PLCB4: variants seen among roughly 807,000 people sequenced by gnomAD.
The protein encoded by PLCB4 is 1-phosphatidylinositol 4,5-bisphosphate phosphodiesterase beta-4.
PLCB4 carries 77 observed loss-of-function variants against 178.8 expected under a neutral mutation model. The observed-to-expected ratio is 0.43, with a 90% CI of 0.36 to 0.52. PLCB4 has a LOEUF of 0.52. Among genes scored for constraint, PLCB4 ranks in the 20% least tolerant of loss-of-function variants. PLCB4 has a pLI of 0.00. For synonymous variants in PLCB4, 496 were observed against 490.8 expected (o/e 1.01, Z -0.14); for missense variants, 1,024 against 1,453.4 (o/e 0.70, Z 4.80).
rs149376770 is a variant in PLCB4, at chr20:9,108,195, T to C, written c.-79+11853T>C. Reference sequence around the variant, plus strand: ...CCAGGAGTTAGTTGGATATTAAGAGTCTGGAATTCAGATGGGACTAGGCTG... The same window carrying C: ...CCAGGAGTTAGTTGGATATTAAGAGCCTGGAATTCAGATGGGACTAGGCTG... On this transcript the variant is annotated intron_variant, in intron 2 of 39. Coordinates refer to ENST00000378473, the MANE Select transcript of PLCB4 (RefSeq NM_001377142.1). Among the ~76,000 whole-genome samples the C allele has an allele frequency of 6.6e-5, 10 of 151,992 alleles. No individual in the cohort carries two copies. The East Asian group carries it at 1.9e-3, about 29-fold the overall frequency.
intron 3 of PLCB4, among the ~76,000 whole-genome samples, chr20:9,232,013 C>A (rs185545899): frequency 3.3e-5 from 5 of 152,058 alleles, no homozygotes; most frequent in Non-Finnish European, 7.4e-5. Context: ...TTGGATGAAC[C>A]TAAAAAACAT....
chr20:9,211,975 G>A (rs1022958946), intron 2 of PLCB4, among the ~76,000 whole-genome samples: 5 of 152,186 alleles, frequency 3.3e-5, no homozygotes, highest in Non-Finnish European at 5.9e-5. Flanking sequence ...TTGTAAAAAC[G>A]TCCACAAGGT....
Position 9,443,970 on chromosome 20 carries a change from T to C in PLCB4, c.2765-11T>C, listed in dbSNP as rs200904888. ...GTATACATAGTGACTTAATTTTTTT[T>C]GTTTGTTTAGGTATTGAACTTATCC... is the stretch of plus-strand genomic sequence containing the variant. On this transcript the variant is annotated splice_polypyrimidine_tract_variant and intron_variant, in intron 30 of 39. Coordinates refer to ENST00000378473, the MANE Select transcript of PLCB4 (RefSeq NM_001377142.1). The C allele has an allele frequency of 2.4e-5, 36 of 1,516,972 alleles. No individual in the cohort carries two copies. Among genetic ancestry groups the C allele is most frequent in the Non-Finnish European group, 3.2e-5 (35 of 1,102,072 alleles). The allele number at this position is 1,516,972 out of a possible 1,614,324, so 94.0% of individuals were successfully genotyped here.
At chr20:9,276,831 T>G (rs1220507980) in intron 3 of PLCB4, among the ~76,000 whole-genome samples, 1 of 152,054 alleles carries the variant, frequency 6.6e-6, no homozygotes, top group Non-Finnish European at 1.5e-5. Flanking sequence ...AGTTTCATAC[T>G]TGGGAGGCTG....
At chr20:9,254,151 A>G (rs2094209821) in intron 3 of PLCB4, among the ~76,000 whole-genome samples, 1 of 152,218 alleles carries the variant, frequency 6.6e-6, no homozygotes, top group African/African-American at 2.4e-5. Flanking sequence ...AAGAAGACTA[A>G]TCTAAAATTT....
chr20:9,256,911 G>A (rs2094242267), intron 3 of PLCB4, among the ~76,000 whole-genome samples: 1 of 152,184 alleles, frequency 6.6e-6, no homozygotes, highest in Non-Finnish European at 1.5e-5. Context: ...AGGCTTGAGG[G>A]AAGAGTGAAG....
At chr20:9,305,543 T>A (rs1054526200) in intron 3 of PLCB4, among the ~76,000 whole-genome samples, 71 of 152,258 alleles carry the variant, frequency 4.7e-4, no homozygotes, top group African/African-American at 1.6e-3. Context: ...TCTTTTCTAC[T>A]TTTTTGGCAT....
chr20:9,368,547 C>T (rs745759087), intron 9 of PLCB4, among the ~76,000 whole-genome samples: 16 of 152,278 alleles, frequency 1.1e-4, no homozygotes, highest in African/African-American at 3.4e-4. Context: ...CCGCAGGTGC[C>T]GTCTTGGAAG....
intron 2 of PLCB4, among the ~76,000 whole-genome samples, chr20:9,158,939 C>G (rs1354681895): frequency 6.6e-6 from 1 of 152,146 alleles, no homozygotes; most frequent in Non-Finnish European, 1.5e-5. Context: ...GTGTTAATGG[C>G]TCCTACACTC....
chr20:9,113,140 T>A (rs1600494333), intron 2 of PLCB4, among the ~76,000 whole-genome samples: 1 of 152,152 alleles, frequency 6.6e-6, no homozygotes, highest in East Asian at 1.9e-4. Context: ...AGAAGAAAAA[T>A]GGACTCTTTA....
At chr20:9,431,074 A>G (rs2041361210) in intron 28 of PLCB4, among the ~76,000 whole-genome samples, 1 of 152,206 alleles carries the variant, frequency 6.6e-6, no homozygotes. Context: ...GCAGAGATTT[A>G]TGGAGGCTAG....
chr20:9,142,778 C>G (rs2146880781), intron 2 of PLCB4, among the ~76,000 whole-genome samples: 1 of 152,240 alleles, frequency 6.6e-6, no homozygotes, highest in African/African-American at 2.4e-5. Flanking sequence ...AACACAGCAG[C>G]CCAAATGATG....
At chr20:9,408,946 C>T (rs2039662864) in intron 23 of PLCB4, 111 bp from the exon 24 acceptor site, 2 of 922,968 alleles carry the variant, frequency 2.2e-6, no homozygotes, top group East Asian at 2.6e-5. Context: ...CTGCTCTGTG[C>T]TGTCTACTTG....
intron 3 of PLCB4, among the ~76,000 whole-genome samples, chr20:9,235,383 TA>T (rs1326070511): frequency 6.6e-6 from 1 of 152,212 alleles, no homozygotes; most frequent in Admixed American, 6.5e-5. Flanking sequence ...GTGCTCCTGT[TA>T]GGCCATAAAT....
At position 9,384,275 on chromosome 20, in the gene PLCB4, G is replaced by T. The variant is rs1290366469; in HGVS notation, c.928G>T (p.Glu310Ter). The change falls in exon 14 of 40, where the codon GAA becomes TAA. Residue 310 changes from glutamate to a stop codon, truncating the protein, a stop_gained. Coordinates refer to ENST00000378473, the MANE Select transcript of PLCB4 (RefSeq NM_001377142.1). LOFTEE classifies it high-confidence loss of function. ...CGCCCCAGTCTTCCTAGATCGTTTA[G>T]AACTTTACCAAGAAATGGACCATCC... The part of the protein sequence containing the change: ...ENAPVFLDRL[E>*]LYQEMDHPLA... 1 of 1,614,116 alleles carries T rather than the reference G, an allele frequency of 6.2e-7. No homozygotes were observed. The highest frequency in any genetic ancestry group is 8.5e-7 in the Non-Finnish European group (1 of 1,179,992).
chr20:9,326,931 A>G (rs904279623), intron 4 of PLCB4, among the ~76,000 whole-genome samples: 3 of 152,176 alleles, frequency 2.0e-5, no homozygotes, highest in African/African-American at 7.2e-5. Context: ...GATCTGTGTA[A>G]CAGAAATGGA....
chr20:9,281,729 A>G (rs1203161875), intron 3 of PLCB4, among the ~76,000 whole-genome samples: 1 of 151,934 alleles, frequency 6.6e-6, no homozygotes, highest in Non-Finnish European at 1.5e-5. Context: ...TATTTTAGGT[A>G]CCCTGGAAAA....
At chr20:9,339,665 A>G (rs1230239564) in intron 7 of PLCB4, among the ~76,000 whole-genome samples, 1 of 152,116 alleles carries the variant, frequency 6.6e-6, no homozygotes, top group African/African-American at 2.4e-5. Flanking sequence ...TAGAAATCTG[A>G]TGTGTATTTT....
At chr20:9,098,739 A>ATGTGTGTGTG (rs764119420) in intron 2 of PLCB4, among the ~76,000 whole-genome samples, 5 of 49,256 alleles carry the variant, frequency 1.0e-4, no homozygotes, top group South Asian at 1.5e-3. Context: ...ATATATACAT[A>ATGTGTGTGTG]TATGTGTGTG....
Sources: gnomAD v4.1 joint callset for allele counts (sites outside exome capture counted in the v4.1 genomes callset) on GRCh38, gnomAD v4.1.1 for gene constraint, MANE v1.5 for transcripts, NCBI Gene and HGNC (gene_info 2026-07-23, HGNC 2026-07-21) for gene names.